The following ROBO1 variants were observed in gnomAD, a reference collection of about 807,000 sequenced individuals.
ROBO1 encodes the protein roundabout guidance receptor 1.
ROBO1 carries 149 observed loss-of-function variants against 195.9 expected under a neutral mutation model. The observed-to-expected ratio is 0.76, with a 90% CI of 0.67 to 0.87. The LOEUF (loss-of-function observed/expected upper bound fraction) is 0.87. Ranked by LOEUF, ROBO1 falls within the 40% of genes least tolerant of loss-of-function variation. The probability of loss-of-function intolerance (pLI) is 0.00; values close to 1 mark genes in which losing one functional copy is unlikely to be tolerated. For synonymous variants in ROBO1, 816 were observed against 733.2 expected (o/e 1.11, Z -1.82); for missense variants, 1,933 against 2,068.3 (o/e 0.93, Z 1.27).
At chr3:78,708,372 T>C (rs1053644093) in intron 8 of ROBO1, among the ~76,000 whole-genome samples, 3 of 152,178 alleles carry the variant, frequency 2.0e-5, no homozygotes, top group Non-Finnish European at 2.9e-5. Flanking sequence ...TTGTTATTCA[T>C]AATTGAGTAA....
chr3:79,586,055 C>T (rs530296260), intron 2 of ROBO1, among the ~76,000 whole-genome samples: 1 of 151,942 alleles, frequency 6.6e-6, no homozygotes, highest in Non-Finnish European at 1.5e-5. Flanking sequence ...AAAGAAATTC[C>T]CAAATATTCT....
chr3:79,724,589 C>A (rs116699709), intron 1 of ROBO1, among the ~76,000 whole-genome samples: 2,232 of 152,254 alleles, frequency 0.015, 56 homozygotes, highest in African/African-American at 0.05. Context: ...AGGCAAGGAA[C>A]TTAGTGCCAC....
chr3:79,187,008 C>T (rs2081451826), intron 2 of ROBO1, among the ~76,000 whole-genome samples: 1 of 151,988 alleles, frequency 6.6e-6, no homozygotes, highest in Non-Finnish European at 1.5e-5. Context: ...AGCATAAAGC[C>T]TTCTGATGTG....
intron 2 of ROBO1, among the ~76,000 whole-genome samples, chr3:79,288,990 A>C (rs1023697209): frequency 6.6e-6 from 1 of 152,174 alleles, no homozygotes; most frequent in Admixed American, 6.5e-5. Context: ...AGGAAGTAAC[A>C]AACAACATGT....
intron 4 of ROBO1, among the ~76,000 whole-genome samples, chr3:78,865,254 A>C (rs1030212413): frequency 6.6e-6 from 1 of 152,164 alleles, no homozygotes; most frequent in African/African-American, 2.4e-5. Context: ...AATAACAATA[A>C]ATTGCTGTGA....
chr3:79,360,289 T>G (rs982649442), intron 2 of ROBO1, among the ~76,000 whole-genome samples: 1 of 151,958 alleles, frequency 6.6e-6, no homozygotes, highest in African/African-American at 2.4e-5. Flanking sequence ...AAATCTCAAA[T>G]GATGATTTTT....
intron 1 of ROBO1, among the ~76,000 whole-genome samples, chr3:79,628,276 A>G (rs575772256): frequency 2.0e-5 from 3 of 152,304 alleles, no homozygotes; most frequent in South Asian, 2.1e-4. Flanking sequence ...CATCAATGGT[A>G]TATACACCAT....
chr3:78,646,019 TTCG>T (rs1706259493), intron 21 of ROBO1, 126 bp downstream of exon 21: 1 of 781,922 alleles, frequency 1.3e-6, no homozygotes, highest in Non-Finnish European at 2.1e-6. Context: ...GAATGGAGTC[TTCG>T]TCAAGGAACT....
chr3:78,678,469 G>A (rs1708578133), intron 10 of ROBO1, among the ~76,000 whole-genome samples: 1 of 152,060 alleles, frequency 6.6e-6, no homozygotes, highest in African/African-American at 2.4e-5. Flanking sequence ...TCAAATGGAT[G>A]CAATAAAAAA....
chr3:79,485,353 A>G (rs942757499), intron 2 of ROBO1, among the ~76,000 whole-genome samples: 2 of 152,142 alleles, frequency 1.3e-5, no homozygotes, highest in East Asian at 3.9e-4. Context: ...AGTTGGTGAT[A>G]TTTATTATAA....
At chr3:79,219,264 G>A (rs559353128) in intron 2 of ROBO1, among the ~76,000 whole-genome samples, 1 of 152,002 alleles carries the variant, frequency 6.6e-6, no homozygotes, top group African/African-American at 2.4e-5. Flanking sequence ...GGTATACAAA[G>A]TTACATAAAT....
chr3:78,657,049 C>A, intron 18 of ROBO1, 49 bp downstream of exon 18: 1 of 1,506,464 alleles, frequency 6.6e-7, no homozygotes. Flanking sequence ...CAAAGTGGGA[C>A]ACATGGTAGA....
intron 4 of ROBO1, among the ~76,000 whole-genome samples, chr3:78,815,588 T>C (rs1282579846): frequency 6.8e-6 from 1 of 147,658 alleles, no homozygotes; most frequent in Admixed American, 6.9e-5. Context: ...GGTTGGTTCA[T>C]GGCATTTAAG....
intron 4 of ROBO1, among the ~76,000 whole-genome samples, chr3:78,830,567 C>G (rs930748587): frequency 6.6e-6 from 1 of 152,118 alleles, no homozygotes; most frequent in Non-Finnish European, 1.5e-5. Flanking sequence ...AGAATGAAAA[C>G]CCAGTGAAGG....
intron 4 of ROBO1, among the ~76,000 whole-genome samples, chr3:78,881,041 T>A (rs912320781): frequency 1.3e-5 from 2 of 152,222 alleles, no homozygotes; most frequent in Admixed American, 1.3e-4. Context: ...TTATGAATAT[T>A]GGCTGCCGCA....
At chr3:79,238,643 C>T (rs543314318) in intron 2 of ROBO1, among the ~76,000 whole-genome samples, 1 of 152,288 alleles carries the variant, frequency 6.6e-6, no homozygotes, top group East Asian at 1.9e-4. Flanking sequence ...AACTTCCTGA[C>T]ATAGTTTTAA....
chr3:78,608,314 C>T lies in ROBO1; in HGVS notation c.4436-1273G>A, dbSNP rs559890447. 1.3e-4 allele frequency among the ~76,000 whole-genome samples: 20 copies of T among 152,116 alleles called. No individual in the cohort carries two copies. In the South Asian group the frequency reaches 3.7e-3, roughly 28 times the overall value. The stretch of plus-strand genomic sequence containing the variant: ...AGAGACAGGGTTTCACTATGTTGCT[C>T]AGGCTGGTCTCGAACTCCTATGCTC... On this transcript the variant is annotated intron_variant, in intron 28 of 30. Coordinates refer to ENST00000464233, the MANE Select transcript of ROBO1 (RefSeq NM_002941.4).
At chr3:79,308,911 CAA>C (rs2033348768) in intron 2 of ROBO1, among the ~76,000 whole-genome samples, 1 of 152,096 alleles carries the variant, frequency 6.6e-6, no homozygotes, top group Non-Finnish European at 1.5e-5. Context: ...GAACAATATT[CAA>C]AGTTATCTGT....
intron 2 of ROBO1, among the ~76,000 whole-genome samples, chr3:79,206,904 A>C (rs1314349505): frequency 6.6e-6 from 1 of 152,200 alleles, no homozygotes; most frequent in Non-Finnish European, 1.5e-5. Context: ...CTTGATTCAT[A>C]AAATATGTTA....
Sources: gnomAD v4.1 joint callset for allele counts (sites outside exome capture counted in the v4.1 genomes callset) on GRCh38, gnomAD v4.1.1 for gene constraint, MANE v1.5 for transcripts, NCBI Gene and HGNC (gene_info 2026-07-23, HGNC 2026-07-21) for gene names.